Variants in CCDC150 observed in about 807,000 individuals in gnomAD.
CCDC150 encodes the protein coiled-coil domain-containing protein 150.
A neutral mutation model predicts 156.5 loss-of-function variants in CCDC150; 151 were observed. The observed-to-expected ratio is 0.97, with a 90% CI of 0.85 to 1.10. The LOEUF (loss-of-function observed/expected upper bound fraction) is 1.10. Among genes scored for constraint, CCDC150 ranks in the 50% least tolerant of loss-of-function variants. CCDC150 has a pLI of 0.00. For synonymous variants in CCDC150, 452 were observed against 429.4 expected (o/e 1.05, Z -0.65); for missense variants, 1,312 against 1,268.1 (o/e 1.03, Z -0.53).
chr2:196,694,052 A>ATT (rs57421391), intron 13 of CCDC150, among the ~76,000 whole-genome samples: 6 of 79,424 alleles, frequency 7.6e-5, no homozygotes, highest in East Asian at 3.8e-4. Flanking sequence ...TTTGTGGAAG[A>ATT]TTTTTTTTTT....
At chr2:196,720,025 T>C (rs1697786437) in intron 19 of CCDC150, 1 of 314,092 alleles carries the variant, frequency 3.2e-6, no homozygotes, top group African/African-American at 2.3e-5. Context: ...GTACATACTT[T>C]AGTTTGAATT....
At chr2:196,688,968 G>T (rs953927386) in intron 13 of CCDC150, among the ~76,000 whole-genome samples, 1 of 152,094 alleles carries the variant, frequency 6.6e-6, no homozygotes. Context: ...CATATGGCTA[G>T]CCAGTTTTCC....
At chr2:196,725,888 G>T in intron 21 of CCDC150, 85 bp from the exon 22 acceptor site, 1 of 1,283,006 alleles carries the variant, frequency 7.8e-7, no homozygotes, top group Non-Finnish European at 1.1e-6. Flanking sequence ...ACACCTTTTG[G>T]AGAGTTGCAC....
chr2:196,725,834 T>G (rs1698176140), intron 21 of CCDC150, 139 bp from the exon 22 acceptor site: 1 of 635,208 alleles, frequency 1.6e-6, no homozygotes. Context: ...TCCAAATTAG[T>G]GAGGTTCACC....
At chr2:196,683,916 TA>T (rs1694982858) in intron 13 of CCDC150, among the ~76,000 whole-genome samples, 1 of 152,056 alleles carries the variant, frequency 6.6e-6, no homozygotes, top group Non-Finnish European at 1.5e-5. Flanking sequence ...TTAGTCCAGC[TA>T]AAGGTTTGTC....
Position 196,695,159 on chromosome 2 carries a change from G to C in CCDC150, c.1623G>C (p.Gly541=). The change falls in exon 14 of 28, where the codon GGG becomes GGC. Residue 541 remains glycine, a splice_region_variant and synonymous_variant. Transcript: ENST00000389175. ...ELQQVTSDYH[G]LAQQKVEKIT... Reference sequence around the variant, plus strand: ...AGCAAGTCACTTCTGATTACCATGGGGTGGGTATAAAAAGATCAGTCTAAA... The same window carrying C: ...AGCAAGTCACTTCTGATTACCATGGCGTGGGTATAAAAAGATCAGTCTAAA... 2 of 1,556,134 alleles carry C rather than the reference G, an allele frequency of 1.3e-6. No homozygotes were observed. Among genetic ancestry groups the C allele is most frequent in the Non-Finnish European group, 1.8e-6 (2 of 1,129,366 alleles).
chr2:196,661,603 A>G (rs1378287291), intron 5 of CCDC150, among the ~76,000 whole-genome samples: 1 of 152,192 alleles, frequency 6.6e-6, no homozygotes, highest in Non-Finnish European at 1.5e-5. Context: ...ATTTTGGAAG[A>G]CACAATTCAG....
chr2:196,714,276 T>G (rs1315378441), intron 17 of CCDC150, among the ~76,000 whole-genome samples: 2 of 152,160 alleles, frequency 1.3e-5, no homozygotes, highest in Non-Finnish European at 2.9e-5. Context: ...TGTGGAGTTT[T>G]CTGGGTTTTA....
intron 7 of CCDC150, among the ~76,000 whole-genome samples, chr2:196,668,693 A>C (rs1212710815): frequency 6.6e-6 from 1 of 152,134 alleles, no homozygotes; most frequent in African/African-American, 2.4e-5. Context: ...AAAACATGTA[A>C]TTGTTTATCA....
At chr2:196,681,721 G>A (rs552541349) in intron 13 of CCDC150, among the ~76,000 whole-genome samples, 3 of 152,224 alleles carry the variant, frequency 2.0e-5, no homozygotes, top group South Asian at 2.1e-4. Flanking sequence ...AACTAATGAC[G>A]TTAAGCAGCT....
Position 196,718,487 on chromosome 2 carries a change from C to A in CCDC150, c.1867-16C>A, listed in dbSNP as rs760474792. On this transcript the variant is annotated splice_polypyrimidine_tract_variant and intron_variant, in intron 17 of 27. Coordinates refer to ENST00000389175, the MANE Select transcript of CCDC150 (RefSeq NM_001080539.2). Reference sequence around the variant, plus strand: ...TGATTTGTAATGTTATTTATTGTTTCTTTTTTCCTACTTAGGTGAAATCTA... The same window carrying A: ...TGATTTGTAATGTTATTTATTGTTTATTTTTTCCTACTTAGGTGAAATCTA... The A allele has an allele frequency of 8.9e-6, 14 of 1,578,532 alleles. No homozygotes were observed. The South Asian group carries it at 1.6e-4, about 18-fold the overall frequency.
chr2:196,716,297 G>T (rs1005282342), intron 17 of CCDC150, among the ~76,000 whole-genome samples: 6 of 152,176 alleles, frequency 3.9e-5, no homozygotes, highest in South Asian at 2.1e-4. Flanking sequence ...TCTCCACACA[G>T]ACTTGTACAC....
At chr2:196,723,992 A>G (rs951078426) in intron 21 of CCDC150, among the ~76,000 whole-genome samples, 1 of 152,220 alleles carries the variant, frequency 6.6e-6, no homozygotes, top group Non-Finnish European at 1.5e-5. Context: ...AAAGAACTCA[A>G]TCGAACTGGA....
At position 196,682,994 on chromosome 2, in the gene CCDC150, A is replaced by G. The variant is rs148259557; in HGVS notation, c.1509+5633A>G. Among the ~76,000 whole-genome samples, 874 of 151,992 alleles carry G rather than the reference A, an allele frequency of 5.8e-3. 6 individuals carry two copies. The highest frequency in any genetic ancestry group is 0.019 in the African/African-American group (798 of 41,482). ...AGATAGTTTCACTTCTTCCTTTCCAATTTGGCTGCCTTTTATTTCATTTTC... is the reference window on the plus strand; with the variant it reads ...AGATAGTTTCACTTCTTCCTTTCCAGTTTGGCTGCCTTTTATTTCATTTTC... On this transcript the variant is annotated intron_variant, in intron 13 of 27. Transcript: ENST00000389175.
rs1693107281 is a variant in CCDC150, at chr2:196,655,035, G to GA, written c.177-1594dup. The stretch of plus-strand genomic sequence containing the variant: ...GTAGCCACGCTCTCTAGATGCAGCT[G>GA]AAAATATTAGGGTGTTAGATGCATG... On this transcript the variant is annotated intron_variant, in intron 2 of 27. Coordinates refer to ENST00000389175, the MANE Select transcript of CCDC150 (RefSeq NM_001080539.2). Among the ~76,000 whole-genome samples the GA allele has an allele frequency of 2.0e-5, 3 of 152,354 alleles. No homozygotes were observed. In the South Asian group the frequency reaches 6.2e-4, roughly 32 times the overall value.
At position 196,726,004 on chromosome 2, in the gene CCDC150, G is replaced by T; in HGVS notation, c.2461G>T (p.Ala821Ser). ...GATGACTGAAGAGTCCAAAGTGGAA[G>T]CAGAATTGCATGCTGAACGCATAGA... ...DRMTEESKVE[A>S]ELHAERIEAL... Residue 821 changes from alanine to serine, a missense_variant, in exon 22 of 28, where the codon GCA becomes TCA. Coordinates refer to ENST00000389175, the MANE Select transcript of CCDC150 (RefSeq NM_001080539.2). 1 of 1,603,810 alleles carries T rather than the reference G, an allele frequency of 6.2e-7. No homozygotes were observed. The highest frequency in any genetic ancestry group is 8.5e-7 in the Non-Finnish European group (1 of 1,174,856).
intron 1 of CCDC150, among the ~76,000 whole-genome samples, chr2:196,640,352 G>A (rs1692140411): frequency 6.6e-6 from 1 of 152,134 alleles, no homozygotes; most frequent in Non-Finnish European, 1.5e-5. Context: ...GTTCGTATTA[G>A]TCCGTCTTAA....
At chr2:196,729,741 A>G in intron 23 of CCDC150, 52 bp from the exon 24 acceptor site, 2 of 1,241,912 alleles carry the variant, frequency 1.6e-6, no homozygotes, top group Non-Finnish European at 2.3e-6. Flanking sequence ...AAAAAGAGCA[A>G]GCCAGTTTTT....
At chr2:196,666,224 T>G (rs1283340880) in intron 6 of CCDC150, among the ~76,000 whole-genome samples, 1 of 152,262 alleles carries the variant, frequency 6.6e-6, no homozygotes, top group African/African-American at 2.4e-5. Flanking sequence ...CTACAAATAA[T>G]TTAGAATACT....
Sources: allele counts gnomAD v4.1 joint callset (sites outside exome capture counted in the v4.1 genomes callset), GRCh38; gene constraint gnomAD v4.1.1; transcripts MANE v1.5; gene names NCBI Gene and HGNC (gene_info 2026-07-23, HGNC 2026-07-21).